Variants in ERC1 observed in about 807,000 individuals in gnomAD.
ERC1 encodes the protein ELKS/RAB6-interacting/CAST family member 1.
Under a neutral mutation model 132.0 loss-of-function variants are expected in ERC1, and 56 were observed. The ratio of observed to expected loss-of-function variants is 0.42; its 90% CI spans 0.34 to 0.53. The LOEUF is 0.53. Among genes scored for constraint, ERC1 ranks in the 20% least tolerant of loss-of-function variants. ERC1 has a pLI of 0.03. For synonymous variants in ERC1, 478 were observed against 476.1 expected (o/e 1.00, Z -0.05); for missense variants, 1,202 against 1,349.9 (o/e 0.89, Z 1.72).
intron 8 of ERC1, among the ~76,000 whole-genome samples, chr12:1,164,291 T>G (rs1331668354): frequency 0.044 from 4,292 of 98,508 alleles, 71 homozygotes; most frequent in Non-Finnish European, 0.053. Flanking sequence ...GTTATTTTAT[T>G]TTGTTATTTT....
chr12:1,126,818 T>C (rs2154233014), intron 7 of ERC1, among the ~76,000 whole-genome samples: 1 of 151,662 alleles, frequency 6.6e-6, no homozygotes, highest in Non-Finnish European at 1.5e-5. Context: ...TGAAACCCCG[T>C]CTCTACTAAA....
chr12:1,361,018 C>T (rs1421930475), intron 15 of ERC1, among the ~76,000 whole-genome samples: 1 of 147,874 alleles, frequency 6.8e-6, no homozygotes, highest in African/African-American at 2.5e-5. Context: ...TCACCAGAGT[C>T]TGGGAAATCT....
chr12:1,161,110 C>T (rs533473989), intron 8 of ERC1, among the ~76,000 whole-genome samples: 2 of 152,238 alleles, frequency 1.3e-5, no homozygotes, highest in Non-Finnish European at 2.9e-5. Context: ...GTCCTCATTC[C>T]GCATAGTGTT....
intron 15 of ERC1, among the ~76,000 whole-genome samples, chr12:1,357,292 A>G (rs2085636324): frequency 6.6e-6 from 1 of 152,246 alleles, no homozygotes; most frequent in South Asian, 2.1e-4. Context: ...CATGACAAAC[A>G]GACGTGGAAT....
intron 17 of ERC1, among the ~76,000 whole-genome samples, chr12:1,423,877 G>C (rs538185844): frequency 6.6e-6 from 1 of 152,186 alleles, no homozygotes; most frequent in South Asian, 2.1e-4. Context: ...TACTTTATCT[G>C]TCTTAAATCA....
intron 14 of ERC1, among the ~76,000 whole-genome samples, chr12:1,289,581 G>T (rs2079291428): frequency 6.6e-6 from 1 of 152,122 alleles, no homozygotes; most frequent in South Asian, 2.1e-4. Flanking sequence ...GTGGCAGCGT[G>T]CGACTTCTTA....
intron 8 of ERC1, among the ~76,000 whole-genome samples, chr12:1,145,518 C>G (rs1271240248): frequency 6.6e-6 from 1 of 152,126 alleles, no homozygotes; most frequent in African/African-American, 2.4e-5. Flanking sequence ...TTCTCCAATT[C>G]TGTAGGTTGT....
chr12:1,115,432 C>G (rs1168017458), intron 6 of ERC1, among the ~76,000 whole-genome samples: 1 of 152,144 alleles, frequency 6.6e-6, no homozygotes, highest in Non-Finnish European at 1.5e-5. Flanking sequence ...TAGGAGGTTT[C>G]TAAAACCTTT....
At chr12:1,174,996 A>C (rs1725447073) in intron 8 of ERC1, among the ~76,000 whole-genome samples, 1 of 152,276 alleles carries the variant, frequency 6.6e-6, no homozygotes, top group African/African-American at 2.4e-5. Context: ...AGAGCATATA[A>C]AAAGTTATGT....
intron 17 of ERC1, among the ~76,000 whole-genome samples, chr12:1,438,954 A>AAAAAAAATATATATATATATAT (rs1015181197): frequency 7.0e-6 from 1 of 143,492 alleles, no homozygotes; most frequent in African/African-American, 2.6e-5. Context: ...TTTAAAAAAA[A>AAAAAAAATATATATATATATAT]ATATATATAT....
At chr12:1,203,796 T>C (rs1957125669) in intron 12 of ERC1, among the ~76,000 whole-genome samples, 1 of 152,264 alleles carries the variant, frequency 6.6e-6, no homozygotes, top group African/African-American at 2.4e-5. Flanking sequence ...TGCAGGAATA[T>C]TAAGCATGAC....
intron 12 of ERC1, among the ~76,000 whole-genome samples, chr12:1,196,800 C>G (rs570208981): frequency 7.3e-6 from 1 of 136,826 alleles, no homozygotes; most frequent in African/African-American, 2.9e-5. Flanking sequence ...CATGTGCGCA[C>G]GCTATTTCTC....
At chr12:1,247,687 G>A (rs139008667) in intron 13 of ERC1, among the ~76,000 whole-genome samples, 112 of 152,274 alleles carry the variant, frequency 7.4e-4, no homozygotes, top group African/African-American at 2.3e-3. Context: ...TCGTAAACCC[G>A]TAGTTTAATT....
intron 1 of ERC1, chr12:1,020,747 C>A (rs1022397143): frequency 2.6e-5 from 4 of 152,020 alleles, no homozygotes; most frequent in Admixed American, 2.6e-4. Context: ...GAGAGAGTGA[C>A]GAAGACAGAA....
chr12:1,436,685 CAG>C (rs59372057), intron 17 of ERC1, among the ~76,000 whole-genome samples: 6,821 of 152,268 alleles, frequency 0.045, 489 homozygotes, highest in African/African-American at 0.16. Flanking sequence ...CACCAGGCCT[CAG>C]AGGGTCAGAA....
chr12:1,045,848 T>A (rs1970997997), intron 2 of ERC1, among the ~76,000 whole-genome samples: 1 of 152,092 alleles, frequency 6.6e-6, no homozygotes, highest in Non-Finnish European at 1.5e-5. Context: ...TATCATAGGA[T>A]CCAAAGGCTC....
rs558469245 is a variant in ERC1 at position 1,401,080 on chromosome 12, C to T, written c.2926-7069C>T. 4.0e-3 allele frequency among the ~76,000 whole-genome samples: 600 copies of T among 151,484 alleles called. 2 individuals carry two copies. The highest frequency in any genetic ancestry group is 0.012 in the African/African-American group (482 of 41,294). On this transcript the variant is annotated intron_variant, in intron 16 of 18. Coordinates refer to ENST00000360905, the MANE Select transcript of ERC1 (RefSeq NM_178040.4). ...CCTCCCGAGTAGCTGGGACTACAGA[C>T]GCCCACCGCTGCGCCCGGCTAATTT...
At chr12:1,219,003 G>C (rs2154294260) in intron 12 of ERC1, among the ~76,000 whole-genome samples, 1 of 152,080 alleles carries the variant, frequency 6.6e-6, no homozygotes, top group South Asian at 2.1e-4. Context: ...CTCCTGAGTA[G>C]CTGGGATTAC....
At chr12:1,462,788 C>T (rs1421340590) in intron 18 of ERC1, among the ~76,000 whole-genome samples, 1 of 152,046 alleles carries the variant, frequency 6.6e-6, no homozygotes, top group Non-Finnish European at 1.5e-5. Flanking sequence ...AGTTGTACAC[C>T]TAAAGATCTG....
Sources: allele counts gnomAD v4.1 joint callset (sites outside exome capture counted in the v4.1 genomes callset), GRCh38; gene constraint gnomAD v4.1.1; transcripts MANE v1.5; gene names NCBI Gene and HGNC (gene_info 2026-07-23, HGNC 2026-07-21).